CDK6: variants seen among roughly 807,000 people sequenced by gnomAD.
The protein encoded by CDK6 is cyclin-dependent kinase 6.
A neutral mutation model predicts 37.1 loss-of-function variants in CDK6; 6 were observed. The observed-to-expected ratio is 0.16, with a 90% CI of 0.09 to 0.32. The LOEUF is 0.32. Among genes scored for constraint, CDK6 ranks in the 10% least tolerant of loss-of-function variants. The pLI, the probability that CDK6 is intolerant of heterozygous loss-of-function variation, is 1.00. For missense variants in CDK6, 224 were observed against 418.9 expected, an observed-to-expected ratio of 0.53 and a Z score of 4.06; for synonymous variants, 160 against 161.3, an observed-to-expected ratio of 0.99 and a Z score of 0.06.
At chr7:92,817,380 C>T (rs949831684) in intron 2 of CDK6, among the ~76,000 whole-genome samples, 3 of 151,800 alleles carry the variant, frequency 2.0e-5, no homozygotes, top group African/African-American at 7.3e-5. Flanking sequence ...TAATTCACAG[C>T]ACAATAACAG....
At chr7:92,778,927 A>ATC (rs1799914562) in intron 2 of CDK6, among the ~76,000 whole-genome samples, 2 of 139,502 alleles carry the variant, frequency 1.4e-5, no homozygotes, top group African/African-American at 2.8e-5. Context: ...AGTTTATCAT[A>ATC]TATATATATA....
intron 3 of CDK6, among the ~76,000 whole-genome samples, chr7:92,751,160 G>A (rs1363460361): frequency 6.6e-6 from 1 of 152,062 alleles, no homozygotes; most frequent in Admixed American, 6.6e-5. Context: ...CCTTCGAAAT[G>A]CTAAAATTCC....
chr7:92,724,983 G>A (rs1291967250), intron 4 of CDK6: 2 of 967,212 alleles, frequency 2.1e-6, no homozygotes, highest in Non-Finnish European at 2.5e-6. Context: ...GCTAACCAAT[G>A]TCAATAGCTA....
rs1463856618 is a variant in CDK6 at position 92,776,869 on chromosome 7, CTGA to C, written c.234-2041_234-2039del. ...TCCCATTCTGTAGGTTGCCCGTTCA[CTGA>C]TGATAGTTTCTTTTGCTGTGCAGAA... On this transcript the variant is annotated intron_variant, in intron 2 of 7. Coordinates refer to ENST00000424848, the MANE Select transcript of CDK6 (RefSeq NM_001145306.2). Among the ~76,000 whole-genome samples, 5 of 152,248 alleles carry C rather than the reference CTGA, an allele frequency of 3.3e-5. No individual in the cohort carries two copies. In the East Asian group the frequency reaches 9.6e-4, roughly 29 times the overall value.
chr7:92,659,763 T>C (rs776679630), intron 5 of CDK6, among the ~76,000 whole-genome samples: 14 of 152,128 alleles, frequency 9.2e-5, no homozygotes, highest in Non-Finnish European at 1.6e-4. Flanking sequence ...CATATTAACA[T>C]TAGTCATATT....
chr7:92,674,191 T>G (rs371409000), intron 4 of CDK6, among the ~76,000 whole-genome samples: 5 of 152,050 alleles, frequency 3.3e-5, no homozygotes. Flanking sequence ...TCCATGCTTT[T>G]GTTTATATCA....
chr7:92,774,601 T>G, intron 3 of CDK6, 95 bp downstream of exon 3: 1 of 1,112,172 alleles, frequency 9.0e-7, no homozygotes, highest in Non-Finnish European at 1.3e-6. Context: ...TTCTAAAAGT[T>G]GTAATTGTGG....
chr7:92,624,219 G>A (rs1795873094), intron 5 of CDK6, among the ~76,000 whole-genome samples: 1 of 152,076 alleles, frequency 6.6e-6, no homozygotes, highest in Non-Finnish European at 1.5e-5. Context: ...TTATTGCAAG[G>A]TGATGGGCTG....
rs1795453458 is a variant in CDK6, at chr7:92,607,434, CCTTTA to C, written c.*7701_*7705del. On this transcript the variant is annotated 3_prime_UTR_variant, in exon 8 of 8. Transcript: ENST00000424848. ...TATTTAATAAAAACAACTACAAAGT[CCTTTA>C]CTTTAATTCCTTTACATAATGATAA... 2 of 232,854 alleles carry C rather than the reference CCTTTA, an allele frequency of 8.6e-6. No individual in the cohort carries two copies. Among genetic ancestry groups the C allele is most frequent in the Non-Finnish European group, 1.7e-5 (2 of 117,934 alleles). 14.4% of individuals were successfully genotyped at this position (232,854 alleles called of 1,614,324 possible).
chr7:92,750,136 G>C lies in CDK6; in HGVS notation c.370-24343C>G, dbSNP rs556994467. Among the ~76,000 whole-genome samples, 5 of 152,182 alleles carry C rather than the reference G, an allele frequency of 3.3e-5. No homozygotes were observed. The South Asian group carries it at 6.2e-4, about 19-fold the overall frequency. On this transcript the variant is annotated intron_variant, in intron 3 of 7. Coordinates refer to ENST00000424848, the MANE Select transcript of CDK6 (RefSeq NM_001145306.2). ...GTTTTAAATATAGGTCTTTATTCTA[G>C]GAAATAATTCTACATGAGTGAGAAA...
chr7:92,606,237 T>C lies in CDK6; in HGVS notation c.*8903A>G, dbSNP rs901410560. On this transcript the variant is annotated 3_prime_UTR_variant, in exon 8 of 8. Coordinates refer to ENST00000424848, the MANE Select transcript of CDK6 (RefSeq NM_001145306.2). Reference sequence around the variant, plus strand: ...GTACCACAGCCAAAACTGAATGCTCTGTACAATGACTTGGTTTAAAAATCA... The same window carrying C: ...GTACCACAGCCAAAACTGAATGCTCCGTACAATGACTTGGTTTAAAAATCA... 2 of 233,450 alleles carry C rather than the reference T, an allele frequency of 8.6e-6. No homozygotes were observed. Among genetic ancestry groups the C allele is most frequent in the Non-Finnish European group, 1.7e-5 (2 of 117,944 alleles). 14.5% of individuals were successfully genotyped at this position (233,450 alleles called of 1,614,324 possible). A position where few individuals can be genotyped will look rare whatever the true frequency, so the allele number is the denominator to read the frequency against.
At chr7:92,687,826 TG>T (rs1562936072) in intron 4 of CDK6, among the ~76,000 whole-genome samples, 1 of 152,190 alleles carries the variant, frequency 6.6e-6, no homozygotes. Context: ...ATACCATTCC[TG>T]CACCCCTATT....
intron 4 of CDK6, among the ~76,000 whole-genome samples, chr7:92,721,881 G>T (rs369218127): frequency 1.3e-5 from 2 of 151,984 alleles, no homozygotes; most frequent in Non-Finnish European, 2.9e-5. Context: ...TAATATAAAG[G>T]GTTATACCTT....
At chr7:92,715,380 T>C (rs1040593059) in intron 4 of CDK6, among the ~76,000 whole-genome samples, 8 of 152,194 alleles carry the variant, frequency 5.3e-5, no homozygotes, top group African/African-American at 1.9e-4. Context: ...AAAATAAATA[T>C]ATGAGCAGCG....
At chr7:92,777,845 T>C (rs1032842134) in intron 2 of CDK6, among the ~76,000 whole-genome samples, 1 of 152,198 alleles carries the variant, frequency 6.6e-6, no homozygotes. Context: ...TTCACAATAT[T>C]GATTCTTTGT....
At chr7:92,808,028 T>C (rs1474985057) in intron 2 of CDK6, among the ~76,000 whole-genome samples, 1 of 152,206 alleles carries the variant, frequency 6.6e-6, no homozygotes, top group East Asian at 1.9e-4. Context: ...TAAGCTTTCT[T>C]ATTAACTGGA....
intron 3 of CDK6, among the ~76,000 whole-genome samples, chr7:92,731,927 C>T (rs1200973967): frequency 6.6e-6 from 1 of 152,108 alleles, no homozygotes; most frequent in Non-Finnish European, 1.5e-5. Context: ...ATATGCAATG[C>T]TAAACATAAT....
chr7:92,770,989 C>A (rs779193722), intron 3 of CDK6, among the ~76,000 whole-genome samples: 1 of 152,058 alleles, frequency 6.6e-6, no homozygotes, highest in South Asian at 2.1e-4. Flanking sequence ...GTAATCCCAG[C>A]ACTTTGGGAG....
intron 4 of CDK6, among the ~76,000 whole-genome samples, chr7:92,696,463 T>TA (rs1797721268): frequency 1.3e-5 from 2 of 152,178 alleles, no homozygotes; most frequent in African/African-American, 4.8e-5. Context: ...TCCTACAAAA[T>TA]CTTACCATAT....
Sources: gnomAD v4.1 joint callset for allele counts (sites outside exome capture counted in the v4.1 genomes callset) on GRCh38, gnomAD v4.1.1 for gene constraint, MANE v1.5 for transcripts, NCBI Gene and HGNC (gene_info 2026-07-23, HGNC 2026-07-21) for gene names.